The following ENPP2 variants were observed in gnomAD, a reference collection of about 807,000 sequenced individuals.
ENPP2 encodes autotaxin.
Under a neutral mutation model 120.2 loss-of-function variants are expected in ENPP2, and 51 were observed. That is an observed-to-expected ratio of 0.42 (90% CI 0.34 to 0.54). The LOEUF (loss-of-function observed/expected upper bound fraction) is 0.54, where lower values mean the gene tolerates loss of function less well. Among genes scored for constraint, ENPP2 ranks in the 20% least tolerant of loss-of-function variants. The probability of loss-of-function intolerance (pLI) is 0.04; values close to 1 mark genes in which losing one functional copy is unlikely to be tolerated. For missense variants in ENPP2, 920 were observed against 1,066.5 expected, an observed-to-expected ratio of 0.86 and a Z score of 1.91; for synonymous variants, 365 against 366.4, an observed-to-expected ratio of 1.00 and a Z score of 0.04.
In ENPP2 at chr8:119,570,361, A is replaced by G. The variant is rs556537966; in HGVS notation, c.1917+344T>C. Among the ~76,000 whole-genome samples the G allele has an allele frequency of 6.6e-5, 10 of 152,114 alleles. No individual in the cohort carries two copies. The East Asian group carries it at 7.7e-4, about 12-fold the overall frequency. On this transcript the variant is annotated intron_variant, in intron 20 of 24. Transcript: ENST00000075322. ...TGTGGGAACTCTGCACTTTACACTC[A>G]ATCTTGCTGAGAAATAAAATGTGCT...
intron 2 of ENPP2, 87 bp from the exon 3 acceptor site, chr8:119,626,807 T>A: frequency 8.1e-7 from 1 of 1,232,190 alleles, no homozygotes; most frequent in Non-Finnish European, 1.2e-6. Context: ...TGCGGTGTGA[T>A]GCTGCAGTGG....
At position 119,557,254 on chromosome 8, in the gene ENPP2, A is replaced by G. The variant is rs1168837821; in HGVS notation, c.*267T>C. The stretch of plus-strand genomic sequence containing the variant: ...GCATTGGAAAATTAATATTTCCTCA[A>G]TGCAAATATCAAATCTGCAGCACCA... On this transcript the variant is annotated 3_prime_UTR_variant, in exon 25 of 25. Coordinates refer to ENST00000075322, the MANE Select transcript of ENPP2 (RefSeq NM_001040092.3). 2.6e-6 allele frequency: 1 copy of G among 378,178 alleles called. No homozygotes were observed. Among genetic ancestry groups the G allele is most frequent in the Non-Finnish European group, 4.7e-6 (1 of 211,042 alleles). 23.4% of individuals were successfully genotyped at this position (378,178 alleles called of 1,614,324 possible).
chr8:119,653,330 T>C (rs1817677881), intron 1 of ENPP2, among the ~76,000 whole-genome samples: 1 of 152,172 alleles, frequency 6.6e-6, no homozygotes, highest in Non-Finnish European at 1.5e-5. Context: ...AATCCCACAT[T>C]TTAGTAGGAG....
At position 119,644,653 on chromosome 8, in the gene ENPP2, G is replaced by GAT. The variant is rs57182103; in HGVS notation, c.22-6128_22-6127dup. On this transcript the variant is annotated intron_variant, in intron 1 of 25. Coordinates refer to the ENPP2 transcript ENST00000427067. ...ACACACACACACACACACACATATA[G>GAT]ATATATATATATATATACACACACA... is the stretch of plus-strand genomic sequence containing the variant. Among the ~76,000 whole-genome samples the GAT allele has an allele frequency of 1.4e-3, 126 of 91,814 alleles. 1 individual carries two copies. Among genetic ancestry groups the GAT allele is most frequent in the South Asian group, 7.6e-3 (23 of 3,018 alleles). The allele number at this position is 91,814 out of a possible 152,430, so 60.2% of individuals were successfully genotyped here. A position where few individuals can be genotyped will look rare whatever the true frequency, so the allele number is the denominator to read the frequency against.
At chr8:119,606,124 T>C (rs1325848177) in intron 9 of ENPP2, among the ~76,000 whole-genome samples, 1 of 151,914 alleles carries the variant, frequency 6.6e-6, no homozygotes, top group Non-Finnish European at 1.5e-5. Context: ...GACGTATATA[T>C]TCTCTTAACT....
intron 8 of ENPP2, among the ~76,000 whole-genome samples, chr8:119,615,352 C>T (rs1315063661): frequency 6.6e-6 from 1 of 152,114 alleles, no homozygotes; most frequent in African/African-American, 2.4e-5. Context: ...GGGTTATGTT[C>T]CTAGGTGATT....
chr8:119,643,212 A>AT (rs1464973079), upstream of ENPP2, among the ~76,000 whole-genome samples: 39 of 152,354 alleles, frequency 2.6e-4, no homozygotes, highest in African/African-American at 9.1e-4. Context: ...GAAAATTCAG[A>AT]TAAAAACTGG....
intron 1 of ENPP2, among the ~76,000 whole-genome samples, chr8:119,652,240 A>T (rs1012409136): frequency 6.6e-6 from 1 of 152,092 alleles, no homozygotes; most frequent in African/African-American, 2.4e-5. Flanking sequence ...ACATTGACCC[A>T]TTCATGAAGC....
chr8:119,581,713 A>G (rs1487794923), intron 18 of ENPP2, among the ~76,000 whole-genome samples: 2 of 151,200 alleles, frequency 1.3e-5, no homozygotes, highest in African/African-American at 2.4e-5. Context: ...TAAATTACTC[A>G]TTAAACATGA....
At chr8:119,605,068 C>T (rs569645450) in intron 9 of ENPP2, among the ~76,000 whole-genome samples, 3 of 152,060 alleles carry the variant, frequency 2.0e-5, no homozygotes, top group Admixed American at 1.3e-4. Flanking sequence ...CCACTGCACC[C>T]GGCCTATTTT....
At chr8:119,584,384 C>G (rs527956190) in intron 15 of ENPP2, among the ~76,000 whole-genome samples, 1 of 152,262 alleles carries the variant, frequency 6.6e-6, no homozygotes, top group African/African-American at 2.4e-5. Flanking sequence ...ATTCTCGACT[C>G]TAGGACCATG....
intron 11 of ENPP2, among the ~76,000 whole-genome samples, chr8:119,597,944 T>G (rs1563714836): frequency 6.6e-6 from 1 of 152,206 alleles, no homozygotes; most frequent in Non-Finnish European, 1.5e-5. Flanking sequence ...TTAAAATCAT[T>G]TCAATGAAAT....
intron 3 of ENPP2, among the ~76,000 whole-genome samples, chr8:119,624,766 C>T (rs1563747312): frequency 6.6e-6 from 1 of 152,160 alleles, no homozygotes; most frequent in African/African-American, 2.4e-5. Flanking sequence ...AGTATACATG[C>T]ACACATAGAT....
chr8:119,580,451 G>A, intron 18 of ENPP2: 1 of 423,270 alleles, frequency 2.4e-6, no homozygotes, highest in Middle Eastern at 6.5e-4. Flanking sequence ...GGGTACTGAT[G>A]ATGACTTGGG....
rs1361599415 is a variant in ENPP2, at chr8:119,649,416, G to A, written c.22-10889C>T. Among the ~76,000 whole-genome samples, 1,391 of 147,680 alleles carry A rather than the reference G, an allele frequency of 9.4e-3. 22 individuals are homozygous for A. The highest frequency in any genetic ancestry group is 0.033 in the African/African-American group (1,310 of 40,270). ...GACTCCATCTCAAAAAAAAAAAAAA[G>A]AAAAGAAAAGAAAAGAAAATTGCAT... is the stretch of plus-strand genomic sequence containing the variant. On this transcript the variant is annotated intron_variant, in intron 1 of 25. Coordinates refer to the ENPP2 transcript ENST00000427067.
At chr8:119,628,689 A>G (rs1364597271) in intron 2 of ENPP2, among the ~76,000 whole-genome samples, 1 of 152,228 alleles carries the variant, frequency 6.6e-6, no homozygotes, top group Non-Finnish European at 1.5e-5. Flanking sequence ...TATATATTAG[A>G]CTTTGTGTTT....
At chr8:119,665,836 T>C (rs1430339198) in intron 1 of ENPP2, among the ~76,000 whole-genome samples, 1 of 152,196 alleles carries the variant, frequency 6.6e-6, no homozygotes, top group Non-Finnish European at 1.5e-5. Context: ...ATAATTGCCT[T>C]GCCATCTTAG....
chr8:119,582,391 C>T, intron 18 of ENPP2, 27 bp downstream of exon 18: 1 of 1,593,298 alleles, frequency 6.3e-7, no homozygotes, highest in Non-Finnish European at 8.6e-7. Context: ...CAAACTTCTC[C>T]ATAATAAACA....
intron 1 of ENPP2, among the ~76,000 whole-genome samples, chr8:119,662,716 A>C (rs1563780412): frequency 6.6e-6 from 1 of 152,234 alleles, no homozygotes; most frequent in African/African-American, 2.4e-5. Context: ...CAGGCAGGAC[A>C]ATATCTGGCC....
Sources: allele counts gnomAD v4.1 joint callset (sites outside exome capture counted in the v4.1 genomes callset), GRCh38; gene constraint gnomAD v4.1.1; transcripts MANE v1.5; gene names NCBI Gene and HGNC (gene_info 2026-07-23, HGNC 2026-07-21).